ATRNL1: variants seen among roughly 807,000 people sequenced by gnomAD.
ATRNL1 encodes the protein attractin like 1, also known as attractin-like protein 1.
ATRNL1 carries 95 observed loss-of-function variants against 182.7 expected under a neutral mutation model. That is an observed-to-expected ratio of 0.52 (90% CI 0.44 to 0.62). The LOEUF is 0.62. Ranked by LOEUF, ATRNL1 falls within the 20% of genes least tolerant of loss-of-function variation. The pLI, the probability that ATRNL1 is intolerant of heterozygous loss-of-function variation, is 0.00. For missense variants in ATRNL1, 1,471 were observed against 1,679.5 expected, an observed-to-expected ratio of 0.88 and a Z score of 2.17; for synonymous variants, 576 against 568.3, an observed-to-expected ratio of 1.01 and a Z score of -0.19.
intron 27 of ATRNL1, among the ~76,000 whole-genome samples, chr10:115,732,237 C>T (rs1368522975): frequency 6.6e-6 from 1 of 152,112 alleles, no homozygotes; most frequent in African/African-American, 2.4e-5. Context: ...AAAGTACTTT[C>T]TTTCTCCATT....
intron 19 of ATRNL1, among the ~76,000 whole-genome samples, chr10:115,373,272 CTT>C (rs1281262837): frequency 8.1e-4 from 123 of 152,066 alleles, no homozygotes; most frequent in African/African-American, 2.6e-3. Flanking sequence ...TTGGTGGAGT[CTT>C]TGCAGTTTTC....
chr10:115,373,781 G>A (rs1022312274), intron 19 of ATRNL1, among the ~76,000 whole-genome samples: 3 of 151,144 alleles, frequency 2.0e-5, no homozygotes, highest in Non-Finnish European at 4.4e-5. Context: ...ATAATATTTT[G>A]TTGATTTTTT....
chr10:115,580,013 A>G (rs2804192), intron 26 of ATRNL1, among the ~76,000 whole-genome samples: 73,906 of 151,816 alleles, frequency 0.49, 19,195 homozygotes, highest in East Asian at 0.84. Context: ...CTCTCCTCAC[A>G]TTATACACTG....
At chr10:115,505,186 A>G (rs11197252) in intron 24 of ATRNL1, among the ~76,000 whole-genome samples, 59,742 of 151,924 alleles carry the variant, frequency 0.39, 12,859 homozygotes, top group Non-Finnish European at 0.49. Context: ...TTAGATACAG[A>G]CTACATATAT....
At chr10:115,483,999 A>G (rs949128868) in intron 24 of ATRNL1, among the ~76,000 whole-genome samples, 1 of 151,642 alleles carries the variant, frequency 6.6e-6, no homozygotes, top group African/African-American at 2.4e-5. Context: ...AAGAATTTGT[A>G]AGAATACAGT....
At chr10:115,447,967 C>G (rs1346435757) in intron 21 of ATRNL1, among the ~76,000 whole-genome samples, 1 of 151,854 alleles carries the variant, frequency 6.6e-6, no homozygotes, top group Non-Finnish European at 1.5e-5. Flanking sequence ...TTTTTACTTG[C>G]ATTTTCTTTA....
intron 27 of ATRNL1, among the ~76,000 whole-genome samples, chr10:115,837,511 CACACACACACACACA>C: frequency 9.6e-6 from 1 of 103,728 alleles, no homozygotes; most frequent in Non-Finnish European, 1.9e-5. Flanking sequence ...CACACACACA[CACACACACACACACA>C]CCAGAACACC....
intron 28 of ATRNL1, among the ~76,000 whole-genome samples, chr10:115,886,090 A>G (rs1555109714): frequency 6.6e-6 from 1 of 152,182 alleles, no homozygotes; most frequent in Non-Finnish European, 1.5e-5. Flanking sequence ...TTAATAAGTA[A>G]ATGATCATAT....
intron 26 of ATRNL1, among the ~76,000 whole-genome samples, chr10:115,590,016 C>G (rs1482450341): frequency 6.6e-6 from 1 of 152,104 alleles, no homozygotes; most frequent in Non-Finnish European, 1.5e-5. Flanking sequence ...TTAGCATTGT[C>G]AGATTCACAA....
intron 19 of ATRNL1, among the ~76,000 whole-genome samples, chr10:115,349,330 A>G (rs572495519): frequency 1.3e-5 from 2 of 152,216 alleles, no homozygotes. Context: ...ATTTGTGTAT[A>G]TATACCACAT....
intron 9 of ATRNL1, among the ~76,000 whole-genome samples, chr10:115,221,748 T>G (rs1320902170): frequency 1.3e-5 from 2 of 152,114 alleles, no homozygotes; most frequent in Non-Finnish European, 2.9e-5. Flanking sequence ...TACTTAAGGA[T>G]TTAGTCTGGC....
At chr10:115,780,112 T>C (rs975388116) in intron 27 of ATRNL1, among the ~76,000 whole-genome samples, 3 of 152,188 alleles carry the variant, frequency 2.0e-5, no homozygotes, top group Middle Eastern at 3.2e-3. Context: ...CATCCCCCAG[T>C]AGCAGCCACA....
intron 12 of ATRNL1, among the ~76,000 whole-genome samples, chr10:115,267,395 C>G (rs2133885364): frequency 6.6e-6 from 1 of 151,314 alleles, no homozygotes; most frequent in African/African-American, 2.4e-5. Context: ...TATTGCCAAA[C>G]CACACCATAA....
chr10:115,407,600 A>G (rs1844896657), intron 20 of ATRNL1, among the ~76,000 whole-genome samples: 1 of 152,172 alleles, frequency 6.6e-6, no homozygotes, highest in Non-Finnish European at 1.5e-5. Context: ...TCCATTGTGT[A>G]TATATCCTAC....
At chr10:115,297,817 A>G (rs1330071085) in intron 15 of ATRNL1, among the ~76,000 whole-genome samples, 2 of 152,118 alleles carry the variant, frequency 1.3e-5, no homozygotes, top group South Asian at 2.1e-4. Context: ...CTTAAGACAT[A>G]TTATTTTTAG....
chr10:115,304,360 C>T (rs967483375), intron 17 of ATRNL1, among the ~76,000 whole-genome samples: 1 of 152,182 alleles, frequency 6.6e-6, no homozygotes, highest in Non-Finnish European at 1.5e-5. Flanking sequence ...AGAGGCAACC[C>T]ATTCTAGTTA....
intron 26 of ATRNL1, among the ~76,000 whole-genome samples, chr10:115,567,204 T>G (rs192196429): frequency 6.6e-6 from 1 of 152,276 alleles, no homozygotes; most frequent in Non-Finnish European, 1.5e-5. Flanking sequence ...GGTATGTAGC[T>G]AGGTGATTAT....
At chr10:115,169,229 C>CA (rs1554885009) in intron 7 of ATRNL1, among the ~76,000 whole-genome samples, 2 of 136,216 alleles carry the variant, frequency 1.5e-5, no homozygotes, top group African/African-American at 5.5e-5. Context: ...TTTTTTGAGA[C>CA]AGAGTCTTGC....
chr10:115,281,413 C>T lies in ATRNL1; in HGVS notation c.2159C>T (p.Thr720Ile), dbSNP rs1592374180. 2 of 1,613,410 alleles carry T rather than the reference C, an allele frequency of 1.2e-6. No individual in the cohort carries two copies. Among genetic ancestry groups the T allele is most frequent in the Non-Finnish European group, 1.7e-6 (2 of 1,179,580 alleles). The change falls in exon 14 of 29, where the codon ACC becomes ATC. Residue 720 changes from threonine to isoleucine, a missense_variant. This residue lies in a region of ATRNL1 where 1,031 missense variants were observed against 1,156.0 expected (regional missense o/e 0.89). Transcript: ENST00000355044. ...VRNEQICNKL[T>I]SCKSCSLNLN... Reference sequence around the variant, plus strand: ...AATGAGCAGATTTGTAACAAACTTACCAGCTGTAAAAGCTGTTCACTAAAC... The same window carrying T: ...AATGAGCAGATTTGTAACAAACTTATCAGCTGTAAAAGCTGTTCACTAAAC...
Sources: allele counts gnomAD v4.1 joint callset (sites outside exome capture counted in the v4.1 genomes callset), GRCh38; gene constraint gnomAD v4.1.1; regional missense constraint gnomAD v4.1.1; transcripts MANE v1.5; gene names NCBI Gene and HGNC (gene_info 2026-07-23, HGNC 2026-07-21).